The following GRID2 variants were observed in gnomAD, a reference collection of about 807,000 sequenced individuals.
GRID2 encodes the protein glutamate ionotropic receptor delta type subunit 2, also known as glutamate receptor ionotropic, delta-2.
Under a neutral mutation model 114.8 loss-of-function variants are expected in GRID2, and 33 were observed. The ratio of observed to expected loss-of-function variants is 0.29; its 90% CI spans 0.22 to 0.38. The LOEUF is 0.38. Ranked by LOEUF, GRID2 falls within the 10% of genes least tolerant of loss-of-function variation. The probability of loss-of-function intolerance (pLI) is 1.00; values close to 1 mark genes in which losing one functional copy is unlikely to be tolerated. For missense variants in GRID2, 1,184 were observed against 1,257.7 expected, an observed-to-expected ratio of 0.94 and a Z score of 0.89; for synonymous variants, 505 against 449.9, an observed-to-expected ratio of 1.12 and a Z score of -1.55.
intron 11 of GRID2, among the ~76,000 whole-genome samples, chr4:93,476,249 A>T (rs906265105): frequency 6.6e-6 from 1 of 152,160 alleles, no homozygotes; most frequent in African/African-American, 2.4e-5. Flanking sequence ...TACAGTGTAA[A>T]TCAAGTAATT....
chr4:92,672,560 G>A (rs1733126253), intron 2 of GRID2, among the ~76,000 whole-genome samples: 1 of 152,002 alleles, frequency 6.6e-6, no homozygotes, highest in Admixed American at 6.6e-5. Flanking sequence ...CAGTCCAACA[G>A]TTTCTAACTT....
chr4:92,369,017 T>C (rs953013573), intron 1 of GRID2, among the ~76,000 whole-genome samples: 1 of 152,008 alleles, frequency 6.6e-6, no homozygotes, highest in African/African-American at 2.4e-5. Context: ...CCAATTATTT[T>C]ACTCTTGCTG....
chr4:92,603,246 A>G (rs974215133), intron 2 of GRID2, among the ~76,000 whole-genome samples: 2 of 152,168 alleles, frequency 1.3e-5, no homozygotes, highest in African/African-American at 4.8e-5. Flanking sequence ...AGCCAATTCA[A>G]TCCTAAGCAA....
chr4:93,417,817 T>A (rs1418312068), intron 9 of GRID2, among the ~76,000 whole-genome samples: 1 of 151,882 alleles, frequency 6.6e-6, no homozygotes, highest in African/African-American at 2.4e-5. Context: ...AGTATTCCAC[T>A]GCATCAATGT....
At chr4:93,099,025 G>GTGTA (rs1246977793) in intron 3 of GRID2, among the ~76,000 whole-genome samples, 1 of 149,454 alleles carries the variant, frequency 6.7e-6, no homozygotes, top group African/African-American at 2.5e-5. Context: ...GTGTGTGTGT[G>GTGTA]TGTATGATAC....
At chr4:92,647,402 C>T (rs1358670897) in intron 2 of GRID2, among the ~76,000 whole-genome samples, 1 of 47,030 alleles carries the variant, frequency 2.1e-5, no homozygotes, top group Admixed American at 2.1e-4. Flanking sequence ...GTGTGAAGTT[C>T]AGTCTAATTA....
At chr4:93,376,751 T>C (rs915694202) in intron 8 of GRID2, among the ~76,000 whole-genome samples, 5 of 152,084 alleles carry the variant, frequency 3.3e-5, no homozygotes, top group Non-Finnish European at 4.4e-5. Context: ...TTCTCACTTA[T>C]AAGTGGGAGC....
At chr4:92,523,245 A>C (rs540437514) in intron 1 of GRID2, among the ~76,000 whole-genome samples, 1 of 152,120 alleles carries the variant, frequency 6.6e-6, no homozygotes, top group African/African-American at 2.4e-5. Context: ...ATTATCTGAA[A>C]TCAAGAGTGC....
At chr4:93,658,942 A>G (rs748713692) in intron 14 of GRID2, among the ~76,000 whole-genome samples, 8 of 152,142 alleles carry the variant, frequency 5.3e-5, no homozygotes, top group Non-Finnish European at 1.0e-4. Context: ...GGCTCAGAGG[A>G]TAAGTTTTTC....
intron 14 of GRID2, among the ~76,000 whole-genome samples, chr4:93,670,749 G>A (rs1296317782): frequency 2.6e-5 from 4 of 152,098 alleles, no homozygotes; most frequent in Non-Finnish European, 5.9e-5. Context: ...CTTTGTTAGT[G>A]ACATGGTTGT....
intron 1 of GRID2, among the ~76,000 whole-genome samples, chr4:92,588,182 C>T (rs1728540892): frequency 6.6e-6 from 1 of 152,036 alleles, no homozygotes; most frequent in Non-Finnish European, 1.5e-5. Context: ...ATGAAAGCTG[C>T]TTAAATTAGC....
intron 13 of GRID2, among the ~76,000 whole-genome samples, chr4:93,592,977 A>G (rs1368499494): frequency 6.6e-6 from 1 of 151,306 alleles, no homozygotes; most frequent in Non-Finnish European, 1.5e-5. Flanking sequence ...GGTTTCCTGA[A>G]TACAGCACAC....
At chr4:92,501,006 T>TAA (rs1261479779) in intron 1 of GRID2, among the ~76,000 whole-genome samples, 1 of 152,156 alleles carries the variant, frequency 6.6e-6, no homozygotes, top group Admixed American at 6.5e-5. Context: ...GGCCCAGAGT[T>TAA]ACGTGCTATT....
chr4:92,575,991 G>T (rs1389056434), intron 1 of GRID2, among the ~76,000 whole-genome samples: 1 of 152,202 alleles, frequency 6.6e-6, no homozygotes, highest in Non-Finnish European at 1.5e-5. Flanking sequence ...AAACAGCTCT[G>T]CCATGCTAAG....
chr4:93,089,190 AT>A (rs1206792430), intron 3 of GRID2, among the ~76,000 whole-genome samples: 1 of 152,176 alleles, frequency 6.6e-6, no homozygotes, highest in Non-Finnish European at 1.5e-5. Flanking sequence ...GTATTTTAAC[AT>A]TATAGATATA....
At chr4:93,586,476 G>A (rs530657496) in intron 13 of GRID2, among the ~76,000 whole-genome samples, 1 of 152,158 alleles carries the variant, frequency 6.6e-6, no homozygotes, top group African/African-American at 2.4e-5. Flanking sequence ...CTAGCTTTCA[G>A]CCTAAGATCA....
intron 4 of GRID2, among the ~76,000 whole-genome samples, chr4:93,199,356 G>A (rs1741839168): frequency 6.6e-6 from 1 of 152,160 alleles, no homozygotes; most frequent in Admixed American, 6.5e-5. Context: ...ATAGAACACA[G>A]GAAAGTTGGT....
intron 1 of GRID2, among the ~76,000 whole-genome samples, chr4:92,549,624 AAAG>A (rs1426184324): frequency 6.6e-6 from 1 of 152,210 alleles, no homozygotes; most frequent in African/African-American, 2.4e-5. Flanking sequence ...CAGAAAAAGA[AAAG>A]AAATCCCCAA....
At chr4:93,636,366 T>G (rs1183056433) in intron 14 of GRID2, among the ~76,000 whole-genome samples, 1 of 152,068 alleles carries the variant, frequency 6.6e-6, no homozygotes, top group East Asian at 1.9e-4. Flanking sequence ...ACTAAAGGCT[T>G]TTTAACAAAA....
Sources: allele counts gnomAD v4.1 joint callset (sites outside exome capture counted in the v4.1 genomes callset), GRCh38; gene constraint gnomAD v4.1.1; transcripts MANE v1.5; gene names NCBI Gene and HGNC (gene_info 2026-07-23, HGNC 2026-07-21).